The following FETUB variants were observed in gnomAD, a reference collection of about 807,000 sequenced individuals.
FETUB encodes the protein fetuin-B.
FETUB carries 28 observed loss-of-function variants against 30.9 expected under a neutral mutation model. That is an observed-to-expected ratio of 0.90 (90% CI 0.67 to 1.24). The LOEUF (loss-of-function observed/expected upper bound fraction) is 1.24, where lower values mean the gene tolerates loss of function less well. Ranked by LOEUF, FETUB falls within the 50% of genes most tolerant of loss-of-function variation. The pLI, the probability that FETUB is intolerant of heterozygous loss-of-function variation, is 0.00. For synonymous variants in FETUB, 186 were observed against 175.9 expected (o/e 1.06, Z -0.45); for missense variants, 469 against 455.3 (o/e 1.03, Z -0.27).
intron 5 of FETUB, among the ~76,000 whole-genome samples, chr3:186,649,701 C>A (rs1717840741): frequency 6.6e-6 from 1 of 152,180 alleles, no homozygotes; most frequent in Non-Finnish European, 1.5e-5. Context: ...GAACTCCTAA[C>A]CTCAAGTGAT....
Position 186,652,279 on chromosome 3 carries a change from G to A in FETUB, c.797G>A (p.Ser266Asn). ...TCATTCCAGGCTCCAGCCACTGGAA[G>A]TGAAAACTCTGCTGTTAACCAGAAA... Reference protein sequence around the residue: ...FFESQAPATGSENSAVNQKPT... With the variant: ...FFESQAPATGNENSAVNQKPT... Residue 266 changes from serine to asparagine, a missense_variant, in exon 7 of 7, where the codon AGT (serine) becomes AAT (asparagine). Physicochemically the swap from Ser to Asn is conservative, Grantham distance 46. Transcript: ENST00000265029. 1 of 1,549,070 alleles carries A rather than the reference G, an allele frequency of 6.5e-7. No individual in the cohort carries two copies. The highest frequency in any genetic ancestry group is 8.7e-7 in the Non-Finnish European group (1 of 1,154,464).
At chr3:186,645,191 GA>G (rs1717401910) in intron 4 of FETUB, among the ~76,000 whole-genome samples, 1 of 152,102 alleles carries the variant, frequency 6.6e-6, no homozygotes, top group Non-Finnish European at 1.5e-5. Flanking sequence ...CTCCTTGGGG[GA>G]TTATCCATAC....
chr3:186,645,334 T>C (rs1235377537), intron 4 of FETUB, among the ~76,000 whole-genome samples: 1 of 152,174 alleles, frequency 6.6e-6, no homozygotes, highest in Non-Finnish European at 1.5e-5. Context: ...CTCATTTGTA[T>C]TTAGATTATG....
In FETUB at chr3:186,652,741, G is replaced by A. The variant is rs1197287531; in HGVS notation, c.*110G>A. On this transcript the variant is annotated 3_prime_UTR_variant, in exon 7 of 7. Coordinates refer to ENST00000265029, the MANE Select transcript of FETUB (RefSeq NM_014375.3). ...ACACGTAGAGTGGCTAGTGAAGGAC[G>A]CCTTTTTGACTCTTCTTGGTCTCAG... The A allele has an allele frequency of 1.1e-5, 15 of 1,334,204 alleles. No homozygotes were observed. Among genetic ancestry groups the A allele is most frequent in the Admixed American group, 2.7e-5 (1 of 37,702 alleles). 82.6% of individuals were successfully genotyped at this position (1,334,204 alleles called of 1,614,324 possible). A position where few individuals can be genotyped will look rare whatever the true frequency, so the allele number is the denominator to read the frequency against.
chr3:186,637,461 C>G (rs967495452), upstream of FETUB, among the ~76,000 whole-genome samples: 1 of 152,212 alleles, frequency 6.6e-6, no homozygotes, highest in East Asian at 1.9e-4. Flanking sequence ...TGTGCTGTGT[C>G]TCTCTCAGCT....
chr3:186,641,204 A>C, intron 2 of FETUB, 64 bp downstream of exon 2: 1 of 976,982 alleles, frequency 1.0e-6, no homozygotes. Context: ...CACTCTTTCT[A>C]CAGGGTCAAG....
chr3:186,651,194 A>G (rs1375071634), intron 5 of FETUB, 24 bp from the exon 6 acceptor site: 2 of 1,524,022 alleles, frequency 1.3e-6, no homozygotes, highest in Non-Finnish European at 1.8e-6. Context: ...TAATACTCAC[A>G]TGACATTGTA....
At chr3:186,650,019 T>C (rs1403821948) in intron 5 of FETUB, among the ~76,000 whole-genome samples, 3 of 151,948 alleles carry the variant, frequency 2.0e-5, no homozygotes, top group East Asian at 3.9e-4. Flanking sequence ...TGTGTGTGTG[T>C]GCACACACAC....
chr3:186,651,436 A>G, intron 6 of FETUB, 135 bp downstream of exon 6: 1 of 670,324 alleles, frequency 1.5e-6, no homozygotes, highest in Non-Finnish European at 2.7e-6. Flanking sequence ...GCCTGAGTCC[A>G]CATCCACAGG....
upstream of FETUB, among the ~76,000 whole-genome samples, chr3:186,640,079 A>G (rs1423897486): frequency 2.6e-5 from 4 of 152,034 alleles, no homozygotes; most frequent in East Asian, 3.9e-4. Flanking sequence ...GGCCAAGGAG[A>G]CCTCCACAGC....
intron 6 of FETUB, chr3:186,651,539 T>C: frequency 6.0e-6 from 3 of 503,880 alleles, no homozygotes; most frequent in Non-Finnish European, 1.1e-5. Context: ...AACTGCTGGC[T>C]TGGATGTGAT....
At chr3:186,643,255 T>C (rs537758728) in intron 3 of FETUB, among the ~76,000 whole-genome samples, 2 of 152,160 alleles carry the variant, frequency 1.3e-5, no homozygotes, top group Admixed American at 1.3e-4. Flanking sequence ...GTCAATAATG[T>C]TGTTAAGTAA....
chr3:186,645,183 C>T (rs1180033326), intron 4 of FETUB, among the ~76,000 whole-genome samples: 2 of 152,252 alleles, frequency 1.3e-5, no homozygotes, highest in East Asian at 1.9e-4. Context: ...CTCCTAGTCT[C>T]CTTGGGGGAT....
Position 186,640,492 on chromosome 3 carries a change from T to A in FETUB, c.32T>A (p.Ile11Asn), listed in dbSNP as rs200214885. MGLLLPLALC[I>N]LVLCCGAMSP... The stretch of plus-strand genomic sequence containing the variant: ...CTGCTCCTTCCCCTGGCACTCTGCA[T>A]CCTAGTCCTGTGCTGCGGAGCAATG... The change falls in exon 1 of 7, where the codon ATC becomes AAC. Residue 11 changes from isoleucine (I) to asparagine (N), a missense_variant. By Grantham distance (149) the Ile-to-Asn change is moderately radical. Coordinates refer to ENST00000265029, the MANE Select transcript of FETUB (RefSeq NM_014375.3). 1.2e-6 allele frequency: 2 copies of A among 1,614,186 alleles called. No individual in the cohort carries two copies. The highest frequency in any genetic ancestry group is 2.7e-5 in the African/African-American group (2 of 75,042).
intron 5 of FETUB, among the ~76,000 whole-genome samples, chr3:186,650,460 T>C (rs985735256): frequency 1.6e-4 from 24 of 152,140 alleles, no homozygotes; most frequent in African/African-American, 5.1e-4. Flanking sequence ...TCAATCTAGC[T>C]GTCCAACAAA....
intron 3 of FETUB, 139 bp downstream of exon 3, chr3:186,642,697 G>C (rs1717173124): frequency 3.0e-6 from 2 of 658,318 alleles, no homozygotes; most frequent in Non-Finnish European, 2.7e-6. Flanking sequence ...AATATTTCCA[G>C]TACTTACCTC....
upstream of FETUB, among the ~76,000 whole-genome samples, chr3:186,638,051 T>C (rs1579026741): frequency 6.6e-6 from 1 of 152,256 alleles, no homozygotes. Context: ...TAATCACATA[T>C]TGAAATTATA....
intron 2 of FETUB, 32 bp downstream of exon 2, chr3:186,641,172 C>A: frequency 7.1e-7 from 1 of 1,402,540 alleles, no homozygotes; most frequent in Non-Finnish European, 1.0e-6. Flanking sequence ...CCATTAAGGG[C>A]CCTAGGGAAA....
intron 6 of FETUB, chr3:186,651,811 T>A (rs1190338323): frequency 1.2e-5 from 2 of 170,176 alleles, no homozygotes; most frequent in African/African-American, 4.8e-5. Context: ...CACACTTACC[T>A]GTTCGAGTTT....
Sources: allele counts gnomAD v4.1 joint callset (sites outside exome capture counted in the v4.1 genomes callset), GRCh38; gene constraint gnomAD v4.1.1; transcripts MANE v1.5; gene names NCBI Gene and HGNC (gene_info 2026-07-23, HGNC 2026-07-21).